The following NDST2 variants were observed in gnomAD, a reference collection of about 807,000 sequenced individuals.
NDST2 encodes the protein N-deacetylase and N-sulfotransferase 2.
NDST2 carries 32 observed loss-of-function variants against 86.9 expected under a neutral mutation model. The observed-to-expected ratio is 0.37, with a 90% CI of 0.28 to 0.49. The LOEUF (loss-of-function observed/expected upper bound fraction) is 0.49, where lower values mean the gene tolerates loss of function less well. Ranked by LOEUF, NDST2 falls within the 20% of genes least tolerant of loss-of-function variation. The pLI is 0.97. For missense variants in NDST2, 950 were observed against 1,146.9 expected, an observed-to-expected ratio of 0.83 and a Z score of 2.48; for synonymous variants, 409 against 437.0, an observed-to-expected ratio of 0.94 and a Z score of 0.80.
intron 2 of NDST2, chr10:73,810,588 A>G (rs1183832462): frequency 4.2e-5 from 16 of 380,734 alleles, no homozygotes; most frequent in Non-Finnish European, 7.4e-5. Context: ...ATGTGATGCA[A>G]CTTTAGAGAA....
Position 73,806,995 on chromosome 10 carries a change from G to T in NDST2, c.1093+113C>A. Reference sequence around the variant, plus strand: ...TCATGCCCACCACTAGCTCCTCACAGCAGTCTGACCCCAAACCTTGACCCT... The same window carrying T: ...TCATGCCCACCACTAGCTCCTCACATCAGTCTGACCCCAAACCTTGACCCT... On this transcript the variant is annotated intron_variant, in intron 4 of 14. Transcript: ENST00000309979. The surrounding 1 kb of genome is among the most constrained non-coding windows in gnomAD (Gnocchi z 4.5). 7.1e-7 allele frequency: 1 copy of T among 1,411,290 alleles called. No homozygotes were observed. The highest frequency in any genetic ancestry group is 1.0e-6 in the Non-Finnish European group (1 of 1,003,208). The allele number at this position is 1,411,290 out of a possible 1,614,324, so 87.4% of individuals were successfully genotyped here. A position where few individuals can be genotyped will look rare whatever the true frequency, so the allele number is the denominator to read the frequency against.
chr10:73,807,300 G>T, intron 3 of NDST2, 84 bp downstream of exon 3: 1 of 1,578,586 alleles, frequency 6.3e-7, no homozygotes, highest in South Asian at 1.1e-5. Context: ...GTGTACCTAT[G>T]ACAAGCTCAG....
intron 3 of NDST2, 70 bp downstream of exon 3, chr10:73,807,314 C>T (rs939742700): frequency 6.3e-7 from 1 of 1,590,942 alleles, no homozygotes; most frequent in Non-Finnish European, 8.6e-7. Context: ...AGCTCAGAAT[C>T]AAGGAAGGGA....
Position 73,805,893 on chromosome 10 carries a change from A to G in NDST2, c.1563+7T>C. The G allele has an allele frequency of 6.2e-7, 1 of 1,614,134 alleles. No homozygotes were observed. The highest frequency in any genetic ancestry group is 8.5e-7 in the Non-Finnish European group (1 of 1,180,024). On this transcript the variant is annotated splice_region_variant and intron_variant, in intron 7 of 14. Transcript: ENST00000309979. ...CAATCTTCTAGCCGTTCCTCTCAGCACCTTACCGGATTAAGCAGCACTGTC... is the reference window on the plus strand; with the variant it reads ...CAATCTTCTAGCCGTTCCTCTCAGCGCCTTACCGGATTAAGCAGCACTGTC...
chr10:73,807,809 T>A lies in NDST2; in HGVS notation c.580A>T (p.Asn194Tyr). The A allele has an allele frequency of 6.2e-7, 1 of 1,614,030 alleles. No individual in the cohort carries two copies. The part of the protein sequence containing the change: ...LKGFPLFLHS[N>Y]LGLRDYQVNP... ...ACTTGGTAGTCCCGGAGCCCCAAGTTTGAGTGTAAAAAAAGGGGAAAGCCC... is the reference window on the plus strand; with the variant it reads ...ACTTGGTAGTCCCGGAGCCCCAAGTATGAGTGTAAAAAAAGGGGAAAGCCC... Residue 194 changes from asparagine to tyrosine, a missense_variant, in exon 3 of 15, where the codon AAC (asparagine) becomes TAC (tyrosine). Transcript: ENST00000309979.
At position 73,806,294 on chromosome 10, in the gene NDST2, T is replaced by C. The variant is rs2084101221; in HGVS notation, c.1429A>G (p.Ile477Val). The C allele has an allele frequency of 6.2e-7, 1 of 1,613,774 alleles. No homozygotes were observed. Among genetic ancestry groups the C allele is most frequent in the Non-Finnish European group, 8.5e-7 (1 of 1,179,964 alleles). The change falls in exon 6 of 15, where the codon ATT (isoleucine) becomes GTT (valine). Residue 477 changes from isoleucine to valine, a missense_variant. This residue lies in a region of NDST2 where 586 missense variants were observed against 714.0 expected (regional missense o/e 0.82). Coordinates refer to ENST00000309979, the MANE Select transcript of NDST2 (RefSeq NM_003635.4). The surrounding 1 kb of genome is among the most constrained non-coding windows in gnomAD (Gnocchi z 4.5). ...CTGTATTGGGAGTCCCTCACCATAATGCCATTGTGAATGAAGCCACGGCGG... is the reference window on the plus strand; with the variant it reads ...CTGTATTGGGAGTCCCTCACCATAACGCCATTGTGAATGAAGCCACGGCGG... ...RYRRGFIHNG[I>V]MVLPRQTCGL...
chr10:73,810,587 A>G, intron 2 of NDST2: 1 of 380,462 alleles, frequency 2.6e-6, no homozygotes, highest in Non-Finnish European at 4.6e-6. Flanking sequence ...AATGTGATGC[A>G]ACTTTAGAGA....
At position 73,807,913 on chromosome 10, in the gene NDST2, C is replaced by A; in HGVS notation, c.476G>T (p.Arg159Leu). 6.2e-7 allele frequency: 1 copy of A among 1,614,196 alleles called. No homozygotes were observed. The highest frequency in any genetic ancestry group is 8.5e-7 in the Non-Finnish European group (1 of 1,180,030). Residue 159 changes from arginine (R) to leucine (L), a missense_variant, in exon 3 of 15, where the codon CGG becomes CTG. Around this residue, in one of 5 missense-constraint regions of NDST2, gnomAD observed 586 missense variants for 714.0 expected, o/e 0.82. Transcript: ENST00000309979. ...GCCCACACCATACTCCACGCAGTAC[C>A]GGTCTAGCAGTTCCCGACTCCAGGC... ...LDAWSRELLD[R>L]YCVEYGVGII...
chr10:73,806,910 T>G lies in NDST2; in HGVS notation c.1094-99A>C. The G allele has an allele frequency of 6.4e-7, 1 of 1,559,136 alleles. No homozygotes were observed. The highest frequency in any genetic ancestry group is 8.7e-7 in the Non-Finnish European group (1 of 1,146,382). On this transcript the variant is annotated intron_variant, in intron 4 of 14. Coordinates refer to ENST00000309979, the MANE Select transcript of NDST2 (RefSeq NM_003635.4). This position sits in a 1 kb window ranked among gnomAD's most constrained non-coding sequence, Gnocchi z 4.5. ...CCACCTTCCATCCCTGATCCTTGCC[T>G]AAGACTTTCTATTTGCCCCACTGCC...
chr10:73,802,548 C>A lies in NDST2; in HGVS notation c.2555G>T (p.Arg852Leu). 6.2e-7 allele frequency: 1 copy of A among 1,614,060 alleles called. No homozygotes were observed. The highest frequency in any genetic ancestry group is 2.2e-5 in the East Asian group (1 of 44,878). Residue 852 changes from arginine to leucine, a missense_variant, in exon 15 of 15, where the codon CGG becomes CTG. Around this residue, in one of 5 missense-constraint regions of NDST2, gnomAD observed 303 missense variants for 323.7 expected, o/e 0.94. Transcript: ENST00000309979. ...ESRLFLTDFFRNHNLELSKLL... is the reference protein window; with the variant it reads ...ESRLFLTDFFLNHNLELSKLL... ...CTTCGACAACTCCAAATTATGGTTC[C>A]GGAAAAAATCCGTAAGGAAAAGACG...
At position 73,802,494 on chromosome 10, in the gene NDST2, G is replaced by C; in HGVS notation, c.2609C>G (p.Pro870Arg). ...CTGCAGTTCTTCCCGAAGCCACGAGGGCACTGGCTGTCCAAGCCGGCTCAG... is the reference window on the plus strand; with the variant it reads ...CTGCAGTTCTTCCCGAAGCCACGAGCGCACTGGCTGTCCAAGCCGGCTCAG... ...KLLSRLGQPV[P>R]SWLREELQHS... Residue 870 changes from proline (P) to arginine (R), a missense_variant, in exon 15 of 15, where the codon CCC (proline) becomes CGC (arginine). Coordinates refer to ENST00000309979, the MANE Select transcript of NDST2 (RefSeq NM_003635.4). 2 of 1,613,886 alleles carry C rather than the reference G, an allele frequency of 1.2e-6. No individual in the cohort carries two copies. The highest frequency in any genetic ancestry group is 1.7e-6 in the Non-Finnish European group (2 of 1,180,036).
rs552440235 is a variant in NDST2, at chr10:73,810,911, A to C, written c.-446-8T>G. 275 of 399,156 alleles carry C rather than the reference A, an allele frequency of 6.9e-4. 1 individual carries two copies. Among genetic ancestry groups the C allele is most frequent in the Admixed American group, 2.0e-3 (45 of 22,748 alleles). 24.7% of individuals were successfully genotyped at this position (399,156 alleles called of 1,614,324 possible). ...TGCATTTTAGCTTCATACCTGGAAG[A>C]AGCAGCAAGGTTTAGGGAAGGGGCG... On this transcript the variant is annotated splice_region_variant and splice_polypyrimidine_tract_variant and intron_variant, in intron 1 of 14. Transcript: ENST00000309979.
At position 73,802,530 on chromosome 10, in the gene NDST2, A is replaced by G. The variant is rs2084006151; in HGVS notation, c.2573T>C (p.Leu858Ser). 6.2e-7 allele frequency: 1 copy of G among 1,614,034 alleles called. No individual in the cohort carries two copies. Among genetic ancestry groups the G allele is most frequent in the Non-Finnish European group, 8.5e-7 (1 of 1,180,054 alleles). ...TDFFRNHNLE[L>S]SKLLSRLGQP... ...TCCAAGCCGGCTCAGCAGCTTCGACAACTCCAAATTATGGTTCCGGAAAAA... is the reference window on the plus strand; with the variant it reads ...TCCAAGCCGGCTCAGCAGCTTCGACGACTCCAAATTATGGTTCCGGAAAAA... The change falls in exon 15 of 15, where the codon TTG becomes TCG. Residue 858 changes from leucine (L) to serine (S), a missense_variant. This residue lies in a region of NDST2 where 303 missense variants were observed against 323.7 expected (regional missense o/e 0.94). Transcript: ENST00000309979.
At position 73,807,308 on chromosome 10, in the gene NDST2, C is replaced by A. The variant is rs2084120399; in HGVS notation, c.1005+76G>T. ...GCAGGGAGTGTACCTATGACAAGCTCAGAATCAAGGAAGGGAGTCTGACAG... is the reference window on the plus strand; with the variant it reads ...GCAGGGAGTGTACCTATGACAAGCTAAGAATCAAGGAAGGGAGTCTGACAG... On this transcript the variant is annotated intron_variant, in intron 3 of 14. Coordinates refer to ENST00000309979, the MANE Select transcript of NDST2 (RefSeq NM_003635.4). 3 of 1,587,948 alleles carry A rather than the reference C, an allele frequency of 1.9e-6. No homozygotes were observed. The South Asian group carries it at 3.3e-5, about 18-fold the overall frequency.
At position 73,808,190 on chromosome 10, in the gene NDST2, G is replaced by A. The variant is rs141599100; in HGVS notation, c.199C>T (p.Arg67Trp). The A allele has an allele frequency of 2.5e-4, 398 of 1,613,728 alleles. No homozygotes were observed. The highest frequency in any genetic ancestry group is 3.0e-4 in the Non-Finnish European group (359 of 1,179,878). Residue 67 changes from arginine (R) to tryptophan (W), a missense_variant, in exon 3 of 15, where the codon CGG (arginine) becomes TGG (tryptophan). Coordinates refer to ENST00000309979, the MANE Select transcript of NDST2 (RefSeq NM_003635.4). The surrounding 1 kb of genome is among the most constrained non-coding windows in gnomAD (Gnocchi z 4.3). ...GGGGGCCGAGGTGGAACTGGAGGCC[G>A]TGCAGGGCCAGGACCAGCTGCCCCA... ...SGGAAGPGPA[R>W]PPVPPRPPRP...
Position 73,806,076 on chromosome 10 carries a change from AG to A in NDST2, c.1435-49del, listed in dbSNP as rs1190528139. ...ATGAGATTTGAAAGATAGAATGAGA[AG>A]TAGATGGAGGACACTGGGATTTATA... On this transcript the variant is annotated intron_variant, in intron 6 of 14. Coordinates refer to ENST00000309979, the MANE Select transcript of NDST2 (RefSeq NM_003635.4). This position sits in a 1 kb window ranked among gnomAD's most constrained non-coding sequence, Gnocchi z 4.5. 8.1e-6 allele frequency: 13 copies of A among 1,604,954 alleles called. No individual in the cohort carries two copies. The highest frequency in any genetic ancestry group is 3.4e-5 in the Admixed American group (2 of 59,236).
Position 73,810,811 on chromosome 10 carries a change from C to T in NDST2, c.-354G>A, listed in dbSNP as rs1382277347. 1 of 398,994 alleles carries T rather than the reference C, an allele frequency of 2.5e-6. No individual in the cohort carries two copies. The highest frequency in any genetic ancestry group is 4.4e-6 in the Non-Finnish European group (1 of 226,078). The allele number at this position is 398,994 out of a possible 1,614,324, so 24.7% of individuals were successfully genotyped here. A position where few individuals can be genotyped will look rare whatever the true frequency, so the allele number is the denominator to read the frequency against. On this transcript the variant is annotated 5_prime_UTR_variant, in exon 2 of 15. Transcript: ENST00000309979. The stretch of plus-strand genomic sequence containing the variant: ...AGAAGCTTAGAACCTTGCCCAGGAT[C>T]ACACAGCTCAGTTGGTGGGAGGGCT...
rs115359537 is a variant in NDST2, at chr10:73,810,690, T to C, written c.-342+109A>G. 1.2e-3 allele frequency: 457 copies of C among 395,572 alleles called. 1 individual carries two copies. Among genetic ancestry groups the C allele is most frequent in the African/African-American group, 8.1e-3 (394 of 48,662 alleles). 24.5% of individuals were successfully genotyped at this position (395,572 alleles called of 1,614,324 possible). On this transcript the variant is annotated intron_variant, in intron 2 of 14. Coordinates refer to ENST00000309979, the MANE Select transcript of NDST2 (RefSeq NM_003635.4). ...AATTACAACTTGCCAGCCATTCTTC[T>C]AAGAGCTTCACATATATTTAATCTT...
intron 8 of NDST2, 103 bp downstream of exon 8, chr10:73,805,484 A>G: frequency 8.6e-7 from 1 of 1,156,852 alleles, no homozygotes; most frequent in Non-Finnish European, 1.2e-6. Context: ...ATTGTACTCT[A>G]GCCTGGGTGA....
Sources: allele counts gnomAD v4.1 joint callset, GRCh38; gene constraint gnomAD v4.1.1; regional missense constraint gnomAD v4.1.1; non-coding constraint Gnocchi (gnomAD v3.1); transcripts MANE v1.5; gene names NCBI Gene and HGNC (gene_info 2026-07-23, HGNC 2026-07-21).